Variants in CDH4 observed in about 807,000 individuals in gnomAD.
CDH4 encodes the protein cadherin-4.
CDH4 carries 33 observed loss-of-function variants against 86.0 expected under a neutral mutation model. The ratio of observed to expected loss-of-function variants is 0.38; its 90% confidence interval spans 0.29 to 0.51. CDH4 has a LOEUF of 0.51. Among genes scored for constraint, CDH4 ranks in the 20% least tolerant of loss-of-function variants. The pLI is 0.86. For missense variants in CDH4, 1,114 were observed against 1,307.4 expected (o/e 0.85, Z 2.28); for synonymous variants, 555 against 549.4 (o/e 1.01, Z -0.14).
At chr20:61,677,645 G>C (rs1568749917) in intron 2 of CDH4, among the ~76,000 whole-genome samples, 1 of 103,018 alleles carries the variant, frequency 9.7e-6, no homozygotes, top group African/African-American at 3.7e-5. Flanking sequence ...AAAAGGATAA[G>C]TGGGTAGGTA....
chr20:61,858,207 A>T (rs372356540), intron 6 of CDH4, among the ~76,000 whole-genome samples: 31 of 83,670 alleles, frequency 3.7e-4, no homozygotes, highest in African/African-American at 1.5e-3. Context: ...CTGTGTCTAT[A>T]TGTGTGTCTG....
At position 61,663,747 on chromosome 20, in the gene CDH4, G is replaced by T. The variant is rs1168446895; in HGVS notation, c.170-79816G>T. ...AACCAGGCAGGGCTGACAGACGCGG[G>T]GTCGGGGGAAGATCAGGAGCTCCCG... On this transcript the variant is annotated intron_variant, in intron 2 of 15. Transcript: ENST00000614565. This position sits in a 1 kb window ranked among gnomAD's most constrained non-coding sequence, Gnocchi z 5.0. 6.6e-6 allele frequency among the ~76,000 whole-genome samples: 1 copy of T among 152,162 alleles called. No homozygotes were observed. Among genetic ancestry groups the T allele is most frequent in the Non-Finnish European group, 1.5e-5 (1 of 68,040 alleles).
At chr20:61,672,383 C>T (rs2087400258) in intron 2 of CDH4, among the ~76,000 whole-genome samples, 2 of 152,088 alleles carry the variant, frequency 1.3e-5, no homozygotes, top group African/African-American at 4.8e-5. Flanking sequence ...CTGTCCCTGT[C>T]CTGGAGATTC....
At chr20:61,652,859 G>T (rs56156257) in intron 2 of CDH4, among the ~76,000 whole-genome samples, 3,956 of 14,738 alleles carry the variant, frequency 0.27, 90 homozygotes, top group Middle Eastern at 0.42. Flanking sequence ...ATTTTTTTTT[G>T]GGGGGGGGAT....
intron 8 of CDH4, among the ~76,000 whole-genome samples, chr20:61,905,371 C>T (rs1454912558): frequency 6.6e-6 from 1 of 152,194 alleles, no homozygotes; most frequent in African/African-American, 2.4e-5. Context: ...ACGCAGAGAG[C>T]GCCGCGCTCC....
rs145909132 is a variant in CDH4 at position 61,374,889 on chromosome 20, C to T, written c.169+119952C>T. ...GCCTGGAGGCTGCATCTGCATTATA[C>T]AGCTTCGGTCTCCACGACCTCCTAT... On this transcript the variant is annotated intron_variant, in intron 2 of 15. Coordinates refer to ENST00000614565, the MANE Select transcript of CDH4 (RefSeq NM_001794.5). Among the ~76,000 whole-genome samples the T allele has an allele frequency of 3.3e-5, 5 of 152,340 alleles. No individual in the cohort carries two copies. The East Asian group carries it at 5.8e-4, about 18-fold the overall frequency.
At chr20:61,693,777 C>T (rs1169771908) in intron 2 of CDH4, among the ~76,000 whole-genome samples, 2 of 152,108 alleles carry the variant, frequency 1.3e-5, no homozygotes, top group South Asian at 2.1e-4. Flanking sequence ...ATCATGCCCC[C>T]CATAATTGTA....
At chr20:61,673,062 T>C (rs903386112) in intron 2 of CDH4, among the ~76,000 whole-genome samples, 1 of 152,042 alleles carries the variant, frequency 6.6e-6, no homozygotes, top group South Asian at 2.1e-4. Context: ...TGCTTGAGGA[T>C]GAAGGCAGGA....
intron 9 of CDH4, among the ~76,000 whole-genome samples, chr20:61,912,689 T>C (rs1396805749): frequency 6.6e-6 from 1 of 152,190 alleles, no homozygotes; most frequent in Non-Finnish European, 1.5e-5. Context: ...TAAAAGATAG[T>C]TCTTAGAGAA....
chr20:61,672,145 A>G (rs573937746), intron 2 of CDH4, among the ~76,000 whole-genome samples: 4 of 151,330 alleles, frequency 2.6e-5, no homozygotes, highest in African/African-American at 9.7e-5. Flanking sequence ...GAATGATCAT[A>G]TGGGTGGATG....
At chr20:61,584,646 CAA>C (rs1200686261) in intron 2 of CDH4, among the ~76,000 whole-genome samples, 1 of 152,132 alleles carries the variant, frequency 6.6e-6, no homozygotes, top group East Asian at 1.9e-4. Context: ...TTTGCTAAAA[CAA>C]TGATAAAATA....
chr20:61,875,518 G>A (rs1983985230), intron 7 of CDH4, among the ~76,000 whole-genome samples: 1 of 152,198 alleles, frequency 6.6e-6, no homozygotes, highest in African/African-American at 2.4e-5. Context: ...AGATGGAGTC[G>A]TGTGGCAGGC....
chr20:61,906,517 G>A lies in CDH4; in HGVS notation c.1189-3905G>A, dbSNP rs551500880. Among the ~76,000 whole-genome samples, 140 of 152,346 alleles carry A rather than the reference G, an allele frequency of 9.2e-4. 4 individuals carry two copies. In the South Asian group the frequency reaches 0.028, roughly 30 times the overall value. On this transcript the variant is annotated intron_variant, in intron 8 of 15. Coordinates refer to ENST00000614565, the MANE Select transcript of CDH4 (RefSeq NM_001794.5). Reference sequence around the variant, plus strand: ...TACAGAGGGCTGCCAAGTGGCTCCCGGGGGAGGCCAGCAGGTTTTCACTCA... The same window carrying A: ...TACAGAGGGCTGCCAAGTGGCTCCCAGGGGAGGCCAGCAGGTTTTCACTCA...
At chr20:61,411,767 G>C (rs563968868) in intron 2 of CDH4, among the ~76,000 whole-genome samples, 4 of 152,336 alleles carry the variant, frequency 2.6e-5, no homozygotes, top group African/African-American at 9.6e-5. Flanking sequence ...TCTGGGCAGG[G>C]ATATGTCAGC....
intron 2 of CDH4, among the ~76,000 whole-genome samples, chr20:61,683,489 C>CA (rs2087541659): frequency 1.3e-5 from 2 of 152,080 alleles, no homozygotes; most frequent in African/African-American, 4.8e-5. Context: ...GGCAGGTGCC[C>CA]CGGGAGTGCG....
At chr20:61,472,437 CTTCTT>C (rs1193975032) in intron 2 of CDH4, among the ~76,000 whole-genome samples, 1 of 152,136 alleles carries the variant, frequency 6.6e-6, no homozygotes, top group African/African-American at 2.4e-5. Context: ...TTTGTGGTCT[CTTCTT>C]TTCCTTCTTT....
chr20:61,920,219 G>C (rs1047049309), intron 9 of CDH4, among the ~76,000 whole-genome samples: 13 of 148,350 alleles, frequency 8.8e-5, no homozygotes, highest in Non-Finnish European at 1.9e-4. Context: ...GTGGAAGCAT[G>C]GTGTCACGGT....
At chr20:61,341,739 T>C (rs991134720) in intron 2 of CDH4, among the ~76,000 whole-genome samples, 6 of 152,160 alleles carry the variant, frequency 3.9e-5, no homozygotes, top group Admixed American at 2.6e-4. Context: ...GAAGGTCTCA[T>C]GAGCCCATCT....
chr20:61,580,410 A>G (rs2086416761), intron 2 of CDH4, among the ~76,000 whole-genome samples: 1 of 152,026 alleles, frequency 6.6e-6, no homozygotes, highest in Admixed American at 6.6e-5. Flanking sequence ...GAGCCAAGCT[A>G]TTGTCACTCC....
Sources: gnomAD v4.1 joint callset for allele counts (sites outside exome capture counted in the v4.1 genomes callset) on GRCh38, gnomAD v4.1.1 for gene constraint, Gnocchi (gnomAD v3.1) non-coding constraint, MANE v1.5 for transcripts, NCBI Gene and HGNC (gene_info 2026-07-23, HGNC 2026-07-21) for gene names.